SLCO3A1: variants seen among roughly 807,000 people sequenced by gnomAD.
SLCO3A1 encodes solute carrier organic anion transporter family member 3A1.
Under a neutral mutation model 63.1 loss-of-function variants are expected in SLCO3A1, and 27 were observed. The ratio of observed to expected loss-of-function variants is 0.43; its 90% CI spans 0.32 to 0.59. The LOEUF (loss-of-function observed/expected upper bound fraction) is 0.59, where lower values mean the gene tolerates loss of function less well. Ranked by LOEUF, SLCO3A1 falls within the 20% of genes least tolerant of loss-of-function variation. The probability of loss-of-function intolerance (pLI) is 0.09; values close to 1 mark genes in which losing one functional copy is unlikely to be tolerated. For synonymous variants in SLCO3A1, 473 were observed against 409.9 expected (o/e 1.15, Z -1.86); for missense variants, 773 against 945.8 (o/e 0.82, Z 2.40).
rs2048488846 is a variant in SLCO3A1, at chr15:92,165,733, A to T, written c.*2598A>T. The T allele has an allele frequency of 2.0e-6, 2 of 985,196 alleles. No homozygotes were observed. Among genetic ancestry groups the T allele is most frequent in the South Asian group, 9.4e-5 (2 of 21,270 alleles). The allele number at this position is 985,196 out of a possible 1,614,324, so 61.0% of individuals were successfully genotyped here. ...TCATATAGTACCGAACAGAAAACTC[A>T]GTCTAGTTTTAATTTGCCTTTTGTG... On this transcript the variant is annotated 3_prime_UTR_variant, in exon 10 of 10. Transcript: ENST00000318445.
At chr15:92,059,499 G>C (rs1567095777) in intron 2 of SLCO3A1, among the ~76,000 whole-genome samples, 1 of 152,026 alleles carries the variant, frequency 6.6e-6, no homozygotes, top group East Asian at 1.9e-4. Flanking sequence ...ACACATGCCT[G>C]GCCCTCAGGG....
intron 2 of SLCO3A1, among the ~76,000 whole-genome samples, chr15:91,995,017 C>G (rs1175780093): frequency 6.6e-6 from 1 of 152,172 alleles, no homozygotes; most frequent in Non-Finnish European, 1.5e-5. Context: ...CATCTCCTGG[C>G]CTTCATTGTT....
chr15:92,119,935 C>T (rs1313617519), intron 4 of SLCO3A1, among the ~76,000 whole-genome samples: 1 of 152,084 alleles, frequency 6.6e-6, no homozygotes, highest in Non-Finnish European at 1.5e-5. Context: ...TAGGCATGTA[C>T]ACATTTTGGA....
intron 7 of SLCO3A1, among the ~76,000 whole-genome samples, chr15:92,131,286 C>A (rs2047992481): frequency 6.6e-6 from 1 of 152,020 alleles, no homozygotes; most frequent in Non-Finnish European, 1.5e-5. Flanking sequence ...ATGCACTTCT[C>A]ATTCGAGACA....
At chr15:91,938,966 C>T (rs772157696) in intron 2 of SLCO3A1, among the ~76,000 whole-genome samples, 1 of 152,184 alleles carries the variant, frequency 6.6e-6, no homozygotes, top group Non-Finnish European at 1.5e-5. Flanking sequence ...TGTTGTGCCC[C>T]CCTCTGGGCT....
chr15:92,128,411 A>C lies in SLCO3A1; in HGVS notation c.1434A>C (p.Gln478His), dbSNP rs779956973. The change falls in exon 7 of 10, where the codon CAA becomes CAC. Residue 478 changes from glutamine to histidine, a missense_variant. Around this residue, in one of 3 missense-constraint regions of SLCO3A1, gnomAD observed 565 missense variants for 749.8 expected, o/e 0.75. Transcript: ENST00000318445. Reference protein sequence around the residue: ...YSPCNNNCECQTDSFTPVCGA... With the variant: ...YSPCNNNCECHTDSFTPVCGA... ...CCTGCAATAATAACTGTGAATGCCA[A>C]ACCGATTCCTTCACTCCAGTGTGTG... 3 of 1,614,014 alleles carry C rather than the reference A, an allele frequency of 1.9e-6. No individual in the cohort carries two copies. In the Admixed American group the frequency reaches 5.0e-5, roughly 27 times the overall value.
chr15:92,152,111 A>G (rs893847422), intron 9 of SLCO3A1, among the ~76,000 whole-genome samples: 1 of 152,282 alleles, frequency 6.6e-6, no homozygotes, highest in South Asian at 2.1e-4. Flanking sequence ...TCAGAAGAGT[A>G]TCAGCTATTA....
chr15:92,036,377 T>C (rs1386121010), intron 2 of SLCO3A1, among the ~76,000 whole-genome samples: 5 of 151,112 alleles, frequency 3.3e-5, no homozygotes, highest in Non-Finnish European at 7.4e-5. Flanking sequence ...TTTTTTTTTT[T>C]CTATCTGTGT....
intron 1 of SLCO3A1, among the ~76,000 whole-genome samples, chr15:91,884,511 C>CAAAAAA (rs776448274): frequency 9.8e-6 from 1 of 102,334 alleles, no homozygotes; most frequent in Non-Finnish European, 1.9e-5. Flanking sequence ...GATTCTGTCT[C>CAAAAAA]AAAAAAAAAA....
At chr15:92,069,815 C>T (rs2047194319) in intron 2 of SLCO3A1, among the ~76,000 whole-genome samples, 1 of 152,244 alleles carries the variant, frequency 6.6e-6, no homozygotes, top group African/African-American at 2.4e-5. Flanking sequence ...TCCCCGGGAG[C>T]TGTGGCTGAG....
rs28662132 is a variant in SLCO3A1 at position 92,111,421 on chromosome 15, A to T, written c.1009+6879A>T. Among the ~76,000 whole-genome samples, 972 of 152,252 alleles carry T rather than the reference A, an allele frequency of 6.4e-3. 10 individuals carry two copies. The highest frequency in any genetic ancestry group is 0.022 in the African/African-American group (913 of 41,548). The stretch of plus-strand genomic sequence containing the variant: ...AATCATGCACTCTGTCCTCAGAACC[A>T]TGTTCTTCCTGTGTGTGGATTTCCT... On this transcript the variant is annotated intron_variant, in intron 4 of 9. Transcript: ENST00000318445.
At chr15:91,907,441 G>A (rs1055830551) in intron 1 of SLCO3A1, among the ~76,000 whole-genome samples, 2 of 151,580 alleles carry the variant, frequency 1.3e-5, no homozygotes, top group African/African-American at 2.4e-5. Flanking sequence ...GCTGACCTCA[G>A]GTGATTCTCC....
rs75919469 is a variant in SLCO3A1, at chr15:92,164,493, G to A, written c.*1358G>A. 1,463 of 985,400 alleles carry A rather than the reference G, an allele frequency of 1.5e-3. 16 individuals carry two copies. The African/African-American group carries it at 0.024, about 16-fold the overall frequency. 61.0% of individuals were successfully genotyped at this position (985,400 alleles called of 1,614,324 possible). A position where few individuals can be genotyped will look rare whatever the true frequency, so the allele number is the denominator to read the frequency against. ...ATTCATGCTTGACATTCCAAGAGGC[G>A]TTCTTTTCAGCCTGTGGAGGAGACA... On this transcript the variant is annotated 3_prime_UTR_variant, in exon 10 of 10. Transcript: ENST00000318445.
At chr15:91,932,773 A>G (rs898221624) in intron 2 of SLCO3A1, among the ~76,000 whole-genome samples, 1 of 152,252 alleles carries the variant, frequency 6.6e-6, no homozygotes, top group Non-Finnish European at 1.5e-5. Context: ...AGTTATTTCA[A>G]AACATAATCA....
chr15:92,126,297 C>T, intron 6 of SLCO3A1, 38 bp downstream of exon 6: 1 of 1,568,942 alleles, frequency 6.4e-7, no homozygotes, highest in Admixed American at 1.7e-5. Flanking sequence ...CCTGCCTGTT[C>T]AGGGACCCTA....
At chr15:91,874,432 C>T (rs1897349564) in intron 1 of SLCO3A1, among the ~76,000 whole-genome samples, 1 of 152,204 alleles carries the variant, frequency 6.6e-6, no homozygotes, top group South Asian at 2.1e-4. Flanking sequence ...TCCCCCAGCC[C>T]TGGCCACCAC....
At chr15:92,082,153 T>A (rs2047354676) in intron 2 of SLCO3A1, among the ~76,000 whole-genome samples, 1 of 152,246 alleles carries the variant, frequency 6.6e-6, no homozygotes, top group Admixed American at 6.5e-5. Context: ...AGGTCAGTTA[T>A]GTAATGCTGG....
intron 2 of SLCO3A1, among the ~76,000 whole-genome samples, chr15:92,086,043 G>T (rs937336360): frequency 1.3e-5 from 2 of 152,166 alleles, no homozygotes; most frequent in Non-Finnish European, 2.9e-5. Context: ...TTGGGCATTT[G>T]GGATAGTTTC....
intron 2 of SLCO3A1, among the ~76,000 whole-genome samples, chr15:91,918,410 C>T (rs1437730975): frequency 6.6e-6 from 1 of 152,114 alleles, no homozygotes; most frequent in African/African-American, 2.4e-5. Context: ...ATCTTGGTGG[C>T]TCTGTTACAT....
Sources: allele counts gnomAD v4.1 joint callset (sites outside exome capture counted in the v4.1 genomes callset), GRCh38; gene constraint gnomAD v4.1.1; regional missense constraint gnomAD v4.1.1; transcripts MANE v1.5; gene names NCBI Gene and HGNC (gene_info 2026-07-23, HGNC 2026-07-21).